The following PCDH15 variants were observed in gnomAD, a reference collection of about 807,000 sequenced individuals.
PCDH15 encodes protocadherin related 15, also known as protocadherin-15.
PCDH15 carries 129 observed loss-of-function variants against 178.5 expected under a neutral mutation model. That is an observed-to-expected ratio of 0.72 (90% CI 0.63 to 0.84). The LOEUF (loss-of-function observed/expected upper bound fraction) is 0.84. Ranked by LOEUF, PCDH15 falls within the 40% of genes least tolerant of loss-of-function variation. The pLI is 0.00. For missense variants in PCDH15, 2,230 were observed against 2,099.9 expected (o/e 1.06, Z -1.21); for synonymous variants, 800 against 732.0 (o/e 1.09, Z -1.50).
At chr10:55,563,688 A>C (rs1842245500) in intron 2 of PCDH15, among the ~76,000 whole-genome samples, 2 of 151,822 alleles carry the variant, frequency 1.3e-5, no homozygotes, top group Non-Finnish European at 2.9e-5. Context: ...TAAATACTTT[A>C]AAATAACCAT....
intron 25 of PCDH15, among the ~76,000 whole-genome samples, chr10:53,926,296 G>A (rs897686763): frequency 1.3e-5 from 2 of 152,124 alleles, no homozygotes; most frequent in African/African-American, 2.4e-5. Context: ...ACAAAAAACT[G>A]CAAGCAGTTA....
intron 2 of PCDH15, among the ~76,000 whole-genome samples, chr10:55,553,900 T>C (rs1053289765): frequency 1.3e-5 from 2 of 151,836 alleles, no homozygotes; most frequent in Non-Finnish European, 2.9e-5. Flanking sequence ...CACTGAAAAA[T>C]AGACTCAATT....
intron 1 of PCDH15, 145 bp downstream of exon 1, chr10:54,800,780 T>C (rs1365373941): frequency 6.6e-6 from 1 of 152,176 alleles, no homozygotes; most frequent in Non-Finnish European, 1.5e-5. Context: ...CTTGCAATCA[T>C]TACTACTCTA....
intron 1 of PCDH15, among the ~76,000 whole-genome samples, chr10:55,231,024 G>A (rs990661215): frequency 5.9e-5 from 9 of 151,862 alleles, no homozygotes; most frequent in Non-Finnish European, 1.2e-4. Flanking sequence ...GAGAAACAGT[G>A]TAATTTACTT....
At chr10:54,092,120 C>T (rs1291501694) in intron 15 of PCDH15, among the ~76,000 whole-genome samples, 1 of 152,166 alleles carries the variant, frequency 6.6e-6, no homozygotes, top group Admixed American at 6.6e-5. Context: ...TTCATCATCT[C>T]AGTAAGTACC....
intron 3 of PCDH15, among the ~76,000 whole-genome samples, chr10:54,388,073 GA>G (rs1241511174): frequency 2.6e-5 from 4 of 152,118 alleles, no homozygotes; most frequent in Non-Finnish European, 4.4e-5. Flanking sequence ...ACAACTGTAT[GA>G]ATATACTTAA....
At chr10:54,371,398 C>T (rs1947651336) in intron 4 of PCDH15, among the ~76,000 whole-genome samples, 1 of 151,540 alleles carries the variant, frequency 6.6e-6, no homozygotes, top group Non-Finnish European at 1.5e-5. Flanking sequence ...ATAACAGGTA[C>T]CATTTTACAG....
chr10:54,219,434 C>CA lies in PCDH15; in HGVS notation c.986-5387dup, dbSNP rs930396375. 1.5e-4 allele frequency among the ~76,000 whole-genome samples: 22 copies of CA among 145,904 alleles called. No individual in the cohort carries two copies. The East Asian group carries it at 1.6e-3, about 11-fold the overall frequency. On this transcript the variant is annotated intron_variant, in intron 9 of 37. Transcript: ENST00000644397. The stretch of plus-strand genomic sequence containing the variant: ...TGACACCCCATCTCTACTAAAAATA[C>CA]AAAAAAAAATTAGCCAGGCTTGGTG...
At chr10:55,554,577 G>A (rs148921491) in intron 2 of PCDH15, among the ~76,000 whole-genome samples, 20 of 152,084 alleles carry the variant, frequency 1.3e-4, no homozygotes, top group African/African-American at 4.1e-4. Flanking sequence ...AACACGGATC[G>A]AAAATACAGC....
chr10:53,984,851 C>T (rs879698021), intron 21 of PCDH15, among the ~76,000 whole-genome samples: 1 of 152,150 alleles, frequency 6.6e-6, no homozygotes, highest in African/African-American at 2.4e-5. Context: ...CAAATATCCC[C>T]TCCCCTTTCT....
intron 1 of PCDH15, among the ~76,000 whole-genome samples, chr10:55,271,972 T>C (rs1280655202): frequency 6.6e-6 from 1 of 152,166 alleles, no homozygotes; most frequent in Admixed American, 6.5e-5. Flanking sequence ...GGTATTTATC[T>C]AGAATAAAGA....
At chr10:53,825,382 TAA>T (rs2132546590) in intron 32 of PCDH15, among the ~76,000 whole-genome samples, 1 of 144,522 alleles carries the variant, frequency 6.9e-6, no homozygotes, top group South Asian at 2.2e-4. Context: ...TTGTATCTAA[TAA>T]AGTCTGTTTA....
chr10:54,266,816 G>C (rs1333361318), intron 8 of PCDH15, among the ~76,000 whole-genome samples: 2 of 151,732 alleles, frequency 1.3e-5, no homozygotes, highest in Non-Finnish European at 3.0e-5. Context: ...AGAAGTCCGG[G>C]ACTAGATGAA....
At chr10:54,222,417 A>C (rs2052939685) in intron 9 of PCDH15, among the ~76,000 whole-genome samples, 1 of 152,358 alleles carries the variant, frequency 6.6e-6, no homozygotes, top group Middle Eastern at 3.4e-3. Flanking sequence ...AATGACATTT[A>C]GATGGAATTG....
intron 2 of PCDH15, among the ~76,000 whole-genome samples, chr10:55,547,978 C>G (rs1045157865): frequency 1.5e-5 from 2 of 135,874 alleles, no homozygotes; most frequent in Non-Finnish European, 3.2e-5. Context: ...AGAGAGCTGA[C>G]GAGGCCTAGA....
At chr10:54,916,034 G>A (rs1445434221) in intron 2 of PCDH15, among the ~76,000 whole-genome samples, 1 of 151,806 alleles carries the variant, frequency 6.6e-6, no homozygotes, top group Non-Finnish European at 1.5e-5. Flanking sequence ...CACCATTTTG[G>A]TCAGGCTGGT....
chr10:55,337,313 T>C (rs1844421494), intron 2 of PCDH15, among the ~76,000 whole-genome samples: 1 of 152,186 alleles, frequency 6.6e-6, no homozygotes, highest in African/African-American at 2.4e-5. Context: ...CAGTTGTCTG[T>C]AATGTCACAT....
chr10:55,300,982 A>C (rs556906298), intron 1 of PCDH15, among the ~76,000 whole-genome samples: 2 of 152,272 alleles, frequency 1.3e-5, no homozygotes, highest in Non-Finnish European at 2.9e-5. Context: ...TGGTATCATA[A>C]GTTCTTAAAA....
chr10:54,064,937 G>A (rs1040845803), intron 18 of PCDH15, among the ~76,000 whole-genome samples: 9 of 152,140 alleles, frequency 5.9e-5, no homozygotes, highest in African/African-American at 2.2e-4. Flanking sequence ...AAGGGGGTTA[G>A]GTTCCTGCCT....
Sources: allele counts gnomAD v4.1 joint callset (sites outside exome capture counted in the v4.1 genomes callset), GRCh38; gene constraint gnomAD v4.1.1; transcripts MANE v1.5; gene names NCBI Gene and HGNC (gene_info 2026-07-23, HGNC 2026-07-21).